HJURP: variants seen among roughly 807,000 people sequenced by gnomAD.
The protein encoded by HJURP is 14-3-3-associated AKT substrate.
HJURP carries 49 observed loss-of-function variants against 72.0 expected under a neutral mutation model. That is an observed-to-expected ratio of 0.68 (90% CI 0.54 to 0.86). HJURP has a LOEUF of 0.86. HJURP is among the 40% of genes least tolerant of loss of function. The probability of loss-of-function intolerance (pLI) is 0.00; values close to 1 mark genes in which losing one functional copy is unlikely to be tolerated. For missense variants in HJURP, 908 were observed against 936.3 expected (o/e 0.97, Z 0.39); for synonymous variants, 357 against 347.1 (o/e 1.03, Z -0.32).
rs776008255 is a variant in HJURP, at chr2:233,841,658, C to A, written c.1122G>T (p.Trp374Cys). The A allele has an allele frequency of 6.2e-6, 10 of 1,614,078 alleles. No homozygotes were observed. In the Admixed American group the frequency reaches 6.7e-5, roughly 11 times the overall value. ...TCGAGGGTGTCACTTTGCGCTCCTT[C>A]CAACTTGGATCTAACTTATGGATTT... is the stretch of plus-strand genomic sequence containing the variant. ...RPQIHKLDPS[W>C]KERKVTPSKY... is the part of the protein sequence containing the mutation. The change falls in exon 8 of 9, where the codon TGG becomes TGT. Residue 374 changes from tryptophan to cysteine, a missense_variant. By Grantham distance (215) the Trp-to-Cys change is radical. Coordinates refer to ENST00000411486, the MANE Select transcript of HJURP (RefSeq NM_018410.5).
rs2286430 is a variant in HJURP, at chr2:233,852,579, C to G, written c.226G>C (p.Glu76Gln). Reference sequence around the variant, plus strand: ...ACACTAAATACCTGGATCTCTCCTTCGTTTCTTTCCTTTATTAGTCTTCCA... The same window carrying G: ...ACACTAAATACCTGGATCTCTCCTTGGTTTCTTTCCTTTATTAGTCTTCCA... The part of the protein sequence containing the change: ...WGGRLIKERN[E>Q]GEIQDSSMKP... Residue 76 changes from glutamate to glutamine, a missense_variant, in exon 3 of 9, where the codon GAA becomes CAA. Physicochemically the swap from Glu to Gln is conservative, Grantham distance 29. Coordinates refer to ENST00000411486, the MANE Select transcript of HJURP (RefSeq NM_018410.5). 8 of 1,600,818 alleles carry G rather than the reference C, an allele frequency of 5.0e-6. No individual in the cohort carries two copies. The South Asian group carries it at 8.8e-5, about 18-fold the overall frequency.
At chr2:233,850,479 G>A (rs1371752275) in intron 3 of HJURP, among the ~76,000 whole-genome samples, 1 of 152,180 alleles carries the variant, frequency 6.6e-6, no homozygotes, top group African/African-American at 2.4e-5. Context: ...GCATGGCATC[G>A]GTGGGTTCTC....
At chr2:233,848,148 C>T (rs1705413689) in intron 4 of HJURP, among the ~76,000 whole-genome samples, 2 of 151,984 alleles carry the variant, frequency 1.3e-5, no homozygotes. Flanking sequence ...TTGGTGTAGG[C>T]AAGGTGCCAG....
chr2:233,853,148 G>C (rs573610964), intron 2 of HJURP, among the ~76,000 whole-genome samples: 1 of 152,318 alleles, frequency 6.6e-6, no homozygotes, highest in African/African-American at 2.4e-5. Context: ...TTTAACTCAA[G>C]GAGCAGATCT....
At chr2:233,851,371 A>G (rs1365296000) in intron 3 of HJURP, among the ~76,000 whole-genome samples, 18 of 152,128 alleles carry the variant, frequency 1.2e-4, no homozygotes. Flanking sequence ...TGCCACGTAC[A>G]CTCATTTACA....
intron 7 of HJURP, 41 bp from the exon 8 acceptor site, chr2:233,842,246 T>C (rs752612261): frequency 2.9e-5 from 44 of 1,512,824 alleles, no homozygotes; most frequent in Non-Finnish European, 3.9e-5. Flanking sequence ...TGTGTTACCA[T>C]TCTAAACCAT....
chr2:233,838,452 T>G (rs1705135664), intron 8 of HJURP, among the ~76,000 whole-genome samples: 1 of 151,994 alleles, frequency 6.6e-6, no homozygotes, highest in African/African-American at 2.4e-5. Context: ...CACGGAGCAC[T>G]GGGGCAGATG....
Position 233,841,384 on chromosome 2 carries a change from T to G in HJURP, c.1396A>C (p.Met466Leu), listed in dbSNP as rs750063816. ...GGACTCGCAGGACCCCCTCTGTACA[T>G]GTTCATGGCCCAGGAGTCCGGGAGG... ...MCLPDSWAMN[M>L]YRGGPASPGG... is the part of the protein sequence containing the mutation. Residue 466 changes from methionine (M) to leucine (L), a missense_variant, in exon 8 of 9, where the codon ATG becomes CTG. Physicochemically the swap from Met to Leu is conservative, Grantham distance 15 (BLOSUM62 2). Coordinates refer to ENST00000411486, the MANE Select transcript of HJURP (RefSeq NM_018410.5). 2 of 1,614,010 alleles carry G rather than the reference T, an allele frequency of 1.2e-6. No individual in the cohort carries two copies. Among genetic ancestry groups the G allele is most frequent in the Non-Finnish European group, 1.7e-6 (2 of 1,180,016 alleles).
chr2:233,839,927 G>A (rs988367432), intron 8 of HJURP, among the ~76,000 whole-genome samples: 10 of 152,178 alleles, frequency 6.6e-5, no homozygotes, highest in African/African-American at 2.4e-4. Flanking sequence ...CCTGACTGTG[G>A]ACACACAGAG....
In HJURP at chr2:233,841,372, C is replaced by G. The variant is rs762737128; in HGVS notation, c.1408G>C (p.Gly470Arg). The G allele has an allele frequency of 3.5e-5, 56 of 1,614,012 alleles. No homozygotes were observed. Among genetic ancestry groups the G allele is most frequent in the Non-Finnish European group, 4.7e-5 (55 of 1,180,028 alleles). Reference protein sequence around the residue: ...DSWAMNMYRGGPASPGGLQGL... With the variant: ...DSWAMNMYRGRPASPGGLQGL... ...TGAAGGCCACCAGGACTCGCAGGAC[C>G]CCCTCTGTACATGTTCATGGCCCAG... is the stretch of plus-strand genomic sequence containing the variant. Residue 470 changes from glycine to arginine, a missense_variant, in exon 8 of 9, where the codon GGT (glycine) becomes CGT (arginine). Physicochemically the swap from Gly to Arg is moderately radical, Grantham distance 125. Around this residue, in one of 3 missense-constraint regions of HJURP, gnomAD observed 598 missense variants for 619.5 expected, o/e 0.97. Transcript: ENST00000411486.
At chr2:233,839,330 C>T (rs1383451793) in intron 8 of HJURP, among the ~76,000 whole-genome samples, 1 of 152,146 alleles carries the variant, frequency 6.6e-6, no homozygotes, top group Admixed American at 6.5e-5. Context: ...GGCAGCTGAG[C>T]GGTGGGTGGA....
At chr2:233,853,698 GT>G (rs1161166622) in intron 2 of HJURP, 145 bp downstream of exon 2, 1 of 593,192 alleles carries the variant, frequency 1.7e-6, no homozygotes, top group Non-Finnish European at 3.0e-6. Context: ...AGTAATTCAA[GT>G]AATTTACAGG....
At chr2:233,847,574 G>A (rs1438780544) in intron 4 of HJURP, 113 bp from the exon 5 acceptor site, 1 of 882,392 alleles carries the variant, frequency 1.1e-6, no homozygotes, top group East Asian at 2.6e-5. Context: ...AATCCCCATT[G>A]CTTCAAGGGT....
In HJURP at chr2:233,836,775, A is replaced by T. The variant is rs531974058; in HGVS notation, c.*802T>A. ...CTGAATATGTGAAATATTTCATTAC[A>T]AAAACGTCACCATGATATCCTGTCA... is the stretch of plus-strand genomic sequence containing the variant. On this transcript the variant is annotated 3_prime_UTR_variant, in exon 9 of 9. Coordinates refer to ENST00000411486, the MANE Select transcript of HJURP (RefSeq NM_018410.5). The T allele has an allele frequency of 2.2e-4, 34 of 152,248 alleles. No homozygotes were observed. The highest frequency in any genetic ancestry group is 3.8e-4 in the Non-Finnish European group (26 of 68,048). The allele number at this position is 152,248 out of a possible 1,614,324, so 9.4% of individuals were successfully genotyped here. A position where few individuals can be genotyped will look rare whatever the true frequency, so the allele number is the denominator to read the frequency against.
intron 3 of HJURP, among the ~76,000 whole-genome samples, chr2:233,850,570 G>A (rs532308972): frequency 6.6e-6 from 1 of 152,300 alleles, no homozygotes; most frequent in East Asian, 1.9e-4. Flanking sequence ...TATAAAAACA[G>A]GGCGTGAGAA....
chr2:233,847,968 G>A (rs1705408976), intron 4 of HJURP, among the ~76,000 whole-genome samples: 1 of 152,236 alleles, frequency 6.6e-6, no homozygotes. Flanking sequence ...TATTTCCTGT[G>A]ATTTCAAGCG....
Position 233,837,328 on chromosome 2 carries a change from C to A in HJURP, c.*249G>T, listed in dbSNP as rs921673209. 3.3e-4 allele frequency: 98 copies of A among 294,098 alleles called. 3 individuals are homozygous for A. The highest frequency in any genetic ancestry group is 4.2e-4 in the Non-Finnish European group (67 of 159,368). The allele number at this position is 294,098 out of a possible 1,614,324, so 18.2% of individuals were successfully genotyped here. On this transcript the variant is annotated 3_prime_UTR_variant, in exon 9 of 9. Transcript: ENST00000411486. ...AACAAACAAACAAATAACCCCCCCC[C>A]AAAAAAAACACACACATCAGAAAAA...
chr2:233,840,859 A>C lies in HJURP; in HGVS notation c.1921T>G (p.Ser641Ala). 5 of 1,614,142 alleles carry C rather than the reference A, an allele frequency of 3.1e-6. No homozygotes were observed. Among genetic ancestry groups the C allele is most frequent in the Non-Finnish European group, 4.2e-6 (5 of 1,180,030 alleles). ...PHFQGFQKLP[S>A]SPLGCRKSLL... ...CTTTTTCTGCACCCCAGGGGTGATG[A>C]TGGCAACTTCTGGAAACCCTGGAAG... The change falls in exon 8 of 9, where the codon TCA becomes GCA. Residue 641 changes from serine to alanine, a missense_variant. Coordinates refer to ENST00000411486, the MANE Select transcript of HJURP (RefSeq NM_018410.5).
chr2:233,840,921 G>A lies in HJURP; in HGVS notation c.1859C>T (p.Thr620Ile), dbSNP rs766753320. The A allele has an allele frequency of 6.2e-7, 1 of 1,614,000 alleles. No individual in the cohort carries two copies. Among genetic ancestry groups the A allele is most frequent in the Non-Finnish European group, 8.5e-7 (1 of 1,180,010 alleles). Residue 620 changes from threonine (T) to isoleucine (I), a missense_variant, in exon 8 of 9, where the codon ACA becomes ATA. Physicochemically the swap from Thr to Ile is moderately conservative, Grantham distance 89. Transcript: ENST00000411486. ...ATTTAATTTTCCTAAGAAGCCTTCT[G>A]TTTGATATCGAACTTCCATACTTGC... ...DKASMEVRYQ[T>I]EGFLGKLNPD...
Sources: allele counts gnomAD v4.1 joint callset (sites outside exome capture counted in the v4.1 genomes callset), GRCh38; gene constraint gnomAD v4.1.1; regional missense constraint gnomAD v4.1.1; transcripts MANE v1.5; gene names NCBI Gene and HGNC (gene_info 2026-07-23, HGNC 2026-07-21).